QTMAN: variants seen among roughly 807,000 people sequenced by gnomAD.
QTMAN encodes queuosine-tRNA mannosyltransferase, also known as tRNA-queuosine alpha-mannosyltransferase.
the QTMAN span, among the ~76,000 whole-genome samples, chr2:144,280,168 T>C: frequency 6.6e-6 from 1 of 152,188 alleles, no homozygotes; most frequent in Non-Finnish European, 1.5e-5. Context: ...ATGATGATAC[T>C]GAGCTACAAA....
chr2:144,189,031 T>A, the QTMAN span, among the ~76,000 whole-genome samples: 1 of 152,106 alleles, frequency 6.6e-6, no homozygotes, highest in Non-Finnish European at 1.5e-5. Context: ...CTACAACTGG[T>A]GAAGGTAAAA....
chr2:144,325,484 G>A, the QTMAN span, among the ~76,000 whole-genome samples: 1 of 150,254 alleles, frequency 6.7e-6, no homozygotes, highest in African/African-American at 2.5e-5. Context: ...AATCTCGTAA[G>A]CAGCTAACAG....
At chr2:144,162,360 T>C in the QTMAN span, among the ~76,000 whole-genome samples, 3 of 152,116 alleles carry the variant, frequency 2.0e-5, no homozygotes, top group South Asian at 6.2e-4. Context: ...GGCAAGATGC[T>C]GGTTAAATTC....
At chr2:144,011,781 T>C in the QTMAN span, 1 of 981,962 alleles carries the variant, frequency 1.0e-6, no homozygotes, top group Admixed American at 6.2e-5. Context: ...GAACACTTCC[T>C]TTCTCTTTCC....
At chr2:144,249,692 G>A in the QTMAN span, among the ~76,000 whole-genome samples, 2 of 152,264 alleles carry the variant, frequency 1.3e-5, no homozygotes, top group Non-Finnish European at 2.9e-5. Context: ...ACAATATAAT[G>A]TGCCATCAGT....
chr2:143,964,706 C>T, the QTMAN span, among the ~76,000 whole-genome samples: 3 of 152,028 alleles, frequency 2.0e-5, no homozygotes, highest in Non-Finnish European at 4.4e-5. Flanking sequence ...ACTCCAGAGC[C>T]AAGAACCAGA....
chr2:143,993,242 G>C, the QTMAN span, among the ~76,000 whole-genome samples: 1 of 152,142 alleles, frequency 6.6e-6, no homozygotes, highest in South Asian at 2.1e-4. Flanking sequence ...TTCACTTCCT[G>C]ATGGTAGTAT....
chr2:144,332,370 G>A, the QTMAN span: 1 of 148,648 alleles, frequency 6.7e-6, no homozygotes, highest in African/African-American at 2.4e-5. Context: ...GCCGGGGAGG[G>A]GAGGGGAGGG....
At chr2:144,166,682 G>A in the QTMAN span, among the ~76,000 whole-genome samples, 25 of 152,236 alleles carry the variant, frequency 1.6e-4, no homozygotes, top group Non-Finnish European at 2.8e-4. Flanking sequence ...GTATTTGCTT[G>A]ACAGAATAGA....
chr2:144,148,411 A>G, the QTMAN span, among the ~76,000 whole-genome samples: 1 of 151,864 alleles, frequency 6.6e-6, no homozygotes, highest in African/African-American at 2.4e-5. Flanking sequence ...AGAGTCTATC[A>G]AACAGATTTC....
At chr2:144,160,548 G>A in the QTMAN span, among the ~76,000 whole-genome samples, 1 of 152,102 alleles carries the variant, frequency 6.6e-6, no homozygotes, top group Non-Finnish European at 1.5e-5. Flanking sequence ...TCACTTTGAA[G>A]TTGTAAGATT....
the QTMAN span, among the ~76,000 whole-genome samples, chr2:144,007,807 G>C: frequency 2.6e-5 from 4 of 152,112 alleles, no homozygotes; most frequent in East Asian, 7.8e-4. Context: ...AGATTACAGA[G>C]ATGGTTTATC....
At chr2:144,171,314 C>T in the QTMAN span, among the ~76,000 whole-genome samples, 1 of 152,138 alleles carries the variant, frequency 6.6e-6, no homozygotes, top group Non-Finnish European at 1.5e-5. Flanking sequence ...GCTCCGAAAT[C>T]CCAATTGTAC....
chr2:144,032,325 C>T, the QTMAN span, among the ~76,000 whole-genome samples: 3 of 152,116 alleles, frequency 2.0e-5, no homozygotes, highest in Non-Finnish European at 4.4e-5. Context: ...TAGTTAGTGC[C>T]AAATGAACTT....
At chr2:144,160,615 C>G in the QTMAN span, among the ~76,000 whole-genome samples, 1 of 152,094 alleles carries the variant, frequency 6.6e-6, no homozygotes, top group African/African-American at 2.4e-5. Context: ...AGAGGGAAAA[C>G]TTAAGACTGT....
the QTMAN span, among the ~76,000 whole-genome samples, chr2:144,014,847 C>G: frequency 6.6e-6 from 1 of 152,190 alleles, no homozygotes; most frequent in Admixed American, 6.5e-5. Context: ...ACTACCATTT[C>G]TATGAGTCAT....
the QTMAN span, among the ~76,000 whole-genome samples, chr2:144,113,952 G>A: frequency 6.6e-6 from 1 of 152,220 alleles, no homozygotes; most frequent in African/African-American, 2.4e-5. Flanking sequence ...TTTCAAAGAT[G>A]AGTGCCCCTA....
the QTMAN span, among the ~76,000 whole-genome samples, chr2:144,103,905 C>A: frequency 6.6e-6 from 1 of 152,048 alleles, no homozygotes; most frequent in African/African-American, 2.4e-5. Context: ...GCCTGGCCAA[C>A]ATGGCAAAAC....
the QTMAN span, among the ~76,000 whole-genome samples, chr2:144,270,415 T>C: frequency 6.6e-6 from 1 of 152,116 alleles, no homozygotes. Flanking sequence ...CAAATGCCCA[T>C]CAATGATAGA....
Sources: gnomAD v4.1 joint callset for allele counts (sites outside exome capture counted in the v4.1 genomes callset) on GRCh38, gnomAD v4.1.1 for gene constraint, MANE v1.5 for transcripts, NCBI Gene and HGNC (gene_info 2026-07-23, HGNC 2026-07-21) for gene names.